The following TNFRSF21 variants were observed in gnomAD, a reference collection of about 807,000 sequenced individuals.
TNFRSF21 encodes tumor necrosis factor receptor superfamily member 21.
In TNFRSF21, 19 loss-of-function variants were observed where a neutral mutation model predicts 45.6. The ratio of observed to expected loss-of-function variants is 0.42; its 90% CI spans 0.29 to 0.61. The LOEUF is 0.61. Ranked by LOEUF, TNFRSF21 falls within the 20% of genes least tolerant of loss-of-function variation. The pLI is 0.23. For synonymous variants in TNFRSF21, 314 were observed against 335.5 expected, an observed-to-expected ratio of 0.94 and a Z score of 0.70; for missense variants, 737 against 851.5, an observed-to-expected ratio of 0.87 and a Z score of 1.67.
intron 3 of TNFRSF21, among the ~76,000 whole-genome samples, chr6:47,277,288 A>C (rs1762512812): frequency 6.6e-6 from 1 of 152,214 alleles, no homozygotes; most frequent in South Asian, 2.1e-4. Context: ...CACTGCGCCC[A>C]ACCCCTAAGT....
chr6:47,262,048 T>C (rs543100261), intron 3 of TNFRSF21, among the ~76,000 whole-genome samples: 163 of 152,258 alleles, frequency 1.1e-3, no homozygotes, highest in Middle Eastern at 3.4e-3. Context: ...CTGCAAAAAA[T>C]TATTTCTGAA....
At position 47,234,830 on chromosome 6, in the gene TNFRSF21, G is replaced by A. The variant is rs868227136; in HGVS notation, c.1578C>T (p.Pro526=). ...SPLSPSPIPS[P]NAKLENSALL... The stretch of plus-strand genomic sequence containing the variant: ...GAGCGGAATTCTCAAGTTTCGCGTT[G>A]GGGCTGGGGATGGGGCTCGGGCTAA... Residue 526 remains proline (P), a synonymous_variant, in exon 5 of 6, where the codon CCC becomes CCT. Transcript: ENST00000296861. 6.5e-7 allele frequency: 1 copy of A among 1,541,698 alleles called. No individual in the cohort carries two copies. The highest frequency in any genetic ancestry group is 2.1e-5 in the Admixed American group (1 of 46,904).
chr6:47,274,662 T>G (rs1762471294), intron 3 of TNFRSF21, among the ~76,000 whole-genome samples: 1 of 152,100 alleles, frequency 6.6e-6, no homozygotes, highest in Admixed American at 6.5e-5. Context: ...CTAAAGAGCT[T>G]CTGCACAGCA....
intron 3 of TNFRSF21, among the ~76,000 whole-genome samples, chr6:47,259,250 G>A (rs762264797): frequency 1.3e-5 from 2 of 152,230 alleles, no homozygotes; most frequent in Non-Finnish European, 1.5e-5. Context: ...GTAGCTATGT[G>A]TTGAATTGAT....
Position 47,232,924 on chromosome 6 carries a change from C to A in TNFRSF21, c.1809G>T (p.Met603Ile), listed in dbSNP as rs1218543640. 6.2e-7 allele frequency: 1 copy of A among 1,614,134 alleles called. No individual in the cohort carries two copies. The highest frequency in any genetic ancestry group is 1.7e-5 in the Admixed American group (1 of 60,006). ...GCTCCTCAGGATTTAGAAAGTGGAG[C>A]ATGTCATCAAAGATAGGCTGCAAGT... ...PCDLQPIFDD[M>I]LHFLNPEELR... The change falls in exon 6 of 6, where the codon ATG (methionine) becomes ATT (isoleucine). Residue 603 changes from methionine to isoleucine, a missense_variant. By Grantham distance (10) the Met-to-Ile change is conservative. Transcript: ENST00000296861.
At chr6:47,264,472 G>A (rs1213896262) in intron 3 of TNFRSF21, among the ~76,000 whole-genome samples, 3 of 133,610 alleles carry the variant, frequency 2.2e-5, no homozygotes, top group South Asian at 2.3e-4. Context: ...CTGAGATCGC[G>A]CCACTGCACT....
At chr6:47,235,271 G>A (rs967097229) in intron 4 of TNFRSF21, among the ~76,000 whole-genome samples, 1 of 152,196 alleles carries the variant, frequency 6.6e-6, no homozygotes, top group Admixed American at 6.5e-5. Flanking sequence ...CCACCTCCAT[G>A]TTGAAGCCCT....
chr6:47,236,993 A>C (rs1473375872), intron 4 of TNFRSF21, among the ~76,000 whole-genome samples: 2 of 152,092 alleles, frequency 1.3e-5, no homozygotes, highest in Non-Finnish European at 2.9e-5. Flanking sequence ...CCCCGATTTC[A>C]CCAAAAGGTC....
In TNFRSF21 at chr6:47,309,711, C is replaced by G; in HGVS notation, c.-200G>C. On this transcript the variant is annotated 5_prime_UTR_variant, in exon 1 of 6. Transcript: ENST00000296861. ...CTAGGGGCGCTCAGCACCTGCCCAG[C>G]GGCGCGGCCGCCCAGGCGGGGAGAA... is the stretch of plus-strand genomic sequence containing the variant. The G allele has an allele frequency of 1.4e-6, 1 of 693,310 alleles. No homozygotes were observed. The highest frequency in any genetic ancestry group is 2.0e-6 in the Non-Finnish European group (1 of 491,920). 42.9% of individuals were successfully genotyped at this position (693,310 alleles called of 1,614,324 possible).
In TNFRSF21 at chr6:47,309,454, G is replaced by C; in HGVS notation, c.58C>G (p.Arg20Gly). ...ALASCSRIAR[R>G]ATATMIAGSL... ...CCCGCGATCATCGTGGCTGTGGCTCGGCGGGCGATGCGGCTGCAGGAGGCG... is the reference window on the plus strand; with the variant it reads ...CCCGCGATCATCGTGGCTGTGGCTCCGCGGGCGATGCGGCTGCAGGAGGCG... The change falls in exon 1 of 6, where the codon CGA becomes GGA. Residue 20 changes from arginine (R) to glycine (G), a missense_variant. Transcript: ENST00000296861. 3 of 1,536,242 alleles carry C rather than the reference G, an allele frequency of 2.0e-6. No individual in the cohort carries two copies. The highest frequency in any genetic ancestry group is 2.6e-6 in the Non-Finnish European group (3 of 1,148,834).
chr6:47,285,458 C>T (rs1451918852), intron 2 of TNFRSF21, among the ~76,000 whole-genome samples: 2 of 152,126 alleles, frequency 1.3e-5, no homozygotes, highest in Admixed American at 6.5e-5. Flanking sequence ...ATTCTTTGCC[C>T]CACCTGGATT....
At chr6:47,282,617 A>G (rs892698244) in intron 3 of TNFRSF21, among the ~76,000 whole-genome samples, 1 of 152,186 alleles carries the variant, frequency 6.6e-6, no homozygotes, top group African/African-American at 2.4e-5. Flanking sequence ...CTAATAAAGA[A>G]AAAAGAAACC....
At chr6:47,286,641 T>C in intron 1 of TNFRSF21, 46 bp from the exon 2 acceptor site, 1 of 1,552,908 alleles carries the variant, frequency 6.4e-7, no homozygotes, top group Admixed American at 1.9e-5. Context: ...ACCAAGAAGA[T>C]GTTACATAGG....
chr6:47,260,394 C>G (rs1033036218), intron 3 of TNFRSF21, among the ~76,000 whole-genome samples: 1 of 152,104 alleles, frequency 6.6e-6, no homozygotes, highest in African/African-American at 2.4e-5. Flanking sequence ...CAGGAGAGCT[C>G]AAGAACTGAG....
intron 3 of TNFRSF21, among the ~76,000 whole-genome samples, chr6:47,256,089 C>T (rs1202922522): frequency 6.6e-6 from 1 of 152,194 alleles, no homozygotes; most frequent in Non-Finnish European, 1.5e-5. Flanking sequence ...GACGCTGTGG[C>T]TCCTCAACAC....
chr6:47,293,686 C>T (rs1031828920), intron 1 of TNFRSF21, among the ~76,000 whole-genome samples: 3 of 152,186 alleles, frequency 2.0e-5, no homozygotes, highest in African/African-American at 7.2e-5. Context: ...TTTCTTGACA[C>T]CCACTCCAAC....
rs765007634 is a variant in TNFRSF21, at chr6:47,237,692, T to C, written c.1510-2794A>G. Reference sequence around the variant, plus strand: ...GTTTTCCAAATTCTCTGTAAAGATATATTAGGCTGGGCACGGTGACTCACA... The same window carrying C: ...GTTTTCCAAATTCTCTGTAAAGATACATTAGGCTGGGCACGGTGACTCACA... On this transcript the variant is annotated intron_variant, in intron 4 of 5. Transcript: ENST00000296861. Among the ~76,000 whole-genome samples the C allele has an allele frequency of 7.5e-4, 114 of 152,192 alleles. 1 individual carries two copies. Among genetic ancestry groups the C allele is most frequent in the Non-Finnish European group, 4.3e-4 (29 of 68,030 alleles).
At chr6:47,245,322 C>T (rs1387806476) in intron 4 of TNFRSF21, among the ~76,000 whole-genome samples, 2 of 152,102 alleles carry the variant, frequency 1.3e-5, no homozygotes, top group South Asian at 2.1e-4. Context: ...CATTTAGTAT[C>T]TCAGTGCCTG....
Position 47,253,214 on chromosome 6 carries a change from C to A in TNFRSF21, c.1509+42G>T, listed in dbSNP as rs763924923. On this transcript the variant is annotated intron_variant, in intron 4 of 5. Transcript: ENST00000296861. The stretch of plus-strand genomic sequence containing the variant: ...ACTGATAAAATTTGAAGCATAGGGG[C>A]AATAGGTCGGTGGTAATGACACACA... 2.5e-6 allele frequency: 4 copies of A among 1,595,922 alleles called. No individual in the cohort carries two copies. In the South Asian group the frequency reaches 4.5e-5, roughly 18 times the overall value.
Sources: gnomAD v4.1 joint callset for allele counts (sites outside exome capture counted in the v4.1 genomes callset) on GRCh38, gnomAD v4.1.1 for gene constraint, MANE v1.5 for transcripts, NCBI Gene and HGNC (gene_info 2026-07-23, HGNC 2026-07-21) for gene names.